Variants in ULK4 observed in about 807,000 individuals in gnomAD.
ULK4 encodes the protein inactive serine/threonine-protein kinase ULK4.
A neutral mutation model predicts 160.6 loss-of-function variants in ULK4; 133 were observed. The ratio of observed to expected loss-of-function variants is 0.83; its 90% CI spans 0.72 to 0.96. The LOEUF is 0.96. Among genes scored for constraint, ULK4 ranks in the 40% least tolerant of loss-of-function variants. The pLI is 0.00. For missense variants in ULK4, 1,580 were observed against 1,499.5 expected (o/e 1.05, Z -0.89); for synonymous variants, 534 against 539.8 (o/e 0.99, Z 0.15).
chr3:41,538,288 T>G (rs972870636), intron 32 of ULK4, among the ~76,000 whole-genome samples: 14 of 152,146 alleles, frequency 9.2e-5, no homozygotes, highest in African/African-American at 3.4e-4. Flanking sequence ...GATTAAGGAC[T>G]ATATCACAAA....
rs908957120 is a variant in ULK4, at chr3:41,613,717, A to G, written c.3120+1952T>C. On this transcript the variant is annotated intron_variant, in intron 31 of 36. Coordinates refer to ENST00000301831, the MANE Select transcript of ULK4 (RefSeq NM_017886.4). ...GACAAAAGTAGAATAGGAATTTAAT[A>G]ATGTTCTTCAAGGACATCAAACTCC... Among the ~76,000 whole-genome samples the G allele has an allele frequency of 4.6e-5, 7 of 152,254 alleles. No individual in the cohort carries two copies. In the South Asian group the frequency reaches 8.3e-4, roughly 18 times the overall value.
chr3:41,392,351 T>C (rs1353461418), intron 35 of ULK4, among the ~76,000 whole-genome samples: 1 of 152,168 alleles, frequency 6.6e-6, no homozygotes, highest in Non-Finnish European at 1.5e-5. Context: ...CCCATCTCCA[T>C]TAACAGAAAT....
intron 22 of ULK4, among the ~76,000 whole-genome samples, chr3:41,738,037 A>G (rs1318836931): frequency 6.6e-6 from 1 of 151,160 alleles, no homozygotes; most frequent in East Asian, 1.9e-4. Context: ...ATAAAACCAA[A>G]TCATAAAAAT....
chr3:41,410,679 TA>T (rs1352217179), intron 34 of ULK4, among the ~76,000 whole-genome samples: 23 of 152,144 alleles, frequency 1.5e-4, no homozygotes, highest in African/African-American at 5.3e-4. Flanking sequence ...AAAACTGTTA[TA>T]AAAAATGCTA....
intron 22 of ULK4, among the ~76,000 whole-genome samples, chr3:41,733,207 C>G (rs2037894707): frequency 1.3e-5 from 2 of 152,092 alleles, no homozygotes; most frequent in Non-Finnish European, 2.9e-5. Context: ...CTAAACATCA[C>G]AGTGTACCCC....
chr3:41,480,385 G>A (rs765702791), intron 32 of ULK4, among the ~76,000 whole-genome samples: 5 of 150,854 alleles, frequency 3.3e-5, no homozygotes, highest in Non-Finnish European at 5.9e-5. Context: ...TTTTTCCACT[G>A]AAGAATACAG....
intron 31 of ULK4, among the ~76,000 whole-genome samples, chr3:41,574,710 T>C (rs2088128411): frequency 6.6e-6 from 1 of 152,034 alleles, no homozygotes; most frequent in Non-Finnish European, 1.5e-5. Flanking sequence ...GCCTGGCTAA[T>C]TTTTTGTATT....
At chr3:41,858,843 A>T (rs73081341) in intron 17 of ULK4, among the ~76,000 whole-genome samples, 27,150 of 151,800 alleles carry the variant, frequency 0.18, 2,508 homozygotes, top group Middle Eastern at 0.32. Flanking sequence ...CAGAAAAATA[A>T]TTTATTCCAA....
rs552836840 is a variant in ULK4 at position 41,451,545 on chromosome 3, G to C, written c.3492+3952C>G. On this transcript the variant is annotated intron_variant, in intron 34 of 36. Coordinates refer to ENST00000301831, the MANE Select transcript of ULK4 (RefSeq NM_017886.4). ...TTTAATCCTCAGGCTCAGAGACAAAGAGTGCCCCATCCAAGATCACACAGC... is the reference window on the plus strand; with the variant it reads ...TTTAATCCTCAGGCTCAGAGACAAACAGTGCCCCATCCAAGATCACACAGC... Among the ~76,000 whole-genome samples, 29 of 151,938 alleles carry C rather than the reference G, an allele frequency of 1.9e-4. 1 individual carries two copies. Among genetic ancestry groups the C allele is most frequent in the Non-Finnish European group, 5.9e-5 (4 of 68,004 alleles).
At chr3:41,871,008 C>G (rs1697069487) in intron 17 of ULK4, among the ~76,000 whole-genome samples, 1 of 152,122 alleles carries the variant, frequency 6.6e-6, no homozygotes, top group Admixed American at 6.6e-5. Context: ...TCTCCCTTCA[C>G]TCAGCACTCA....
At chr3:41,717,335 T>A (rs2037303983) in intron 23 of ULK4, among the ~76,000 whole-genome samples, 1 of 152,226 alleles carries the variant, frequency 6.6e-6, no homozygotes, top group African/African-American at 2.4e-5. Context: ...TTTTTAACAA[T>A]AAATAAATTT....
intron 29 of ULK4, among the ~76,000 whole-genome samples, chr3:41,675,480 C>T (rs1559477963): frequency 6.6e-6 from 1 of 152,058 alleles, no homozygotes; most frequent in Non-Finnish European, 1.5e-5. Flanking sequence ...GTCCCAGCTA[C>T]TCAGGAGGCT....
chr3:41,646,839 A>G (rs1010789630), intron 30 of ULK4, among the ~76,000 whole-genome samples: 3 of 152,210 alleles, frequency 2.0e-5, no homozygotes, highest in South Asian at 2.1e-4. Context: ...CCAATCAGAT[A>G]CAGATTTGGT....
In ULK4 at chr3:41,913,221, CT is replaced by C. The variant is rs562065017; in HGVS notation, c.804-323del. 3.2e-3 allele frequency: 321 copies of C among 99,746 alleles called. 1 individual carries two copies. The highest frequency in any genetic ancestry group is 6.0e-3 in the African/African-American group (170 of 28,212). The allele number at this position is 99,746 out of a possible 1,614,324, so 6.2% of individuals were successfully genotyped here. A position where few individuals can be genotyped will look rare whatever the true frequency, so the allele number is the denominator to read the frequency against. On this transcript the variant is annotated intron_variant, in intron 8 of 36. Transcript: ENST00000301831. The stretch of plus-strand genomic sequence containing the variant: ...CGGAGTCGATAAATAATTTGAAATT[CT>C]TTTTTTTTTTTTTTTTTTTTTGAGA...
intron 30 of ULK4, among the ~76,000 whole-genome samples, chr3:41,627,927 T>C (rs1329292040): frequency 6.6e-6 from 1 of 152,072 alleles, no homozygotes; most frequent in Non-Finnish European, 1.5e-5. Flanking sequence ...GAGAGCATTG[T>C]AAAAGGTCAG....
chr3:41,371,687 G>A (rs989748500), intron 35 of ULK4, among the ~76,000 whole-genome samples: 5 of 152,048 alleles, frequency 3.3e-5, no homozygotes, highest in African/African-American at 1.2e-4. Context: ...ACAAAGATGA[G>A]GAAAAATCAG....
chr3:41,708,729 T>C (rs1455939707), intron 25 of ULK4, among the ~76,000 whole-genome samples: 2 of 152,160 alleles, frequency 1.3e-5, no homozygotes, highest in Admixed American at 6.5e-5. Context: ...AAATTGGTAA[T>C]AGATTTCAAG....
intron 30 of ULK4, among the ~76,000 whole-genome samples, chr3:41,630,757 C>T (rs1449703718): frequency 6.6e-6 from 1 of 152,184 alleles, no homozygotes. Context: ...TTCCCTTCCC[C>T]CTGCCTCCTT....
chr3:41,820,375 T>C (rs2041104279), intron 18 of ULK4, among the ~76,000 whole-genome samples: 2 of 152,128 alleles, frequency 1.3e-5, no homozygotes, highest in South Asian at 4.1e-4. Flanking sequence ...ATATTCATCG[T>C]AGCACTATTC....
Sources: gnomAD v4.1 joint callset for allele counts (sites outside exome capture counted in the v4.1 genomes callset) on GRCh38, gnomAD v4.1.1 for gene constraint, MANE v1.5 for transcripts, NCBI Gene and HGNC (gene_info 2026-07-23, HGNC 2026-07-21) for gene names.